Variants in JPH3 observed in about 807,000 individuals in gnomAD.
The protein encoded by JPH3 is junctophilin 3, also known as junctophilin-3.
Under a neutral mutation model 59.6 loss-of-function variants are expected in JPH3, and 11 were observed. That is an observed-to-expected ratio of 0.18 (90% CI 0.12 to 0.31). JPH3 has a LOEUF of 0.31. Ranked by LOEUF, JPH3 falls within the 10% of genes least tolerant of loss-of-function variation. JPH3 has a pLI of 1.00. For synonymous variants in JPH3, 673 were observed against 483.6 expected (o/e 1.39, Z -5.14); for missense variants, 1,202 against 1,105.7 (o/e 1.09, Z -1.24).
At chr16:87,670,934 A>G (rs992214757) in intron 2 of JPH3, among the ~76,000 whole-genome samples, 1 of 152,144 alleles carries the variant, frequency 6.6e-6, no homozygotes, top group Non-Finnish European at 1.5e-5. Context: ...AAGAGCGGGA[A>G]TTGATCCTGG....
At chr16:87,695,746 C>G in intron 4 of JPH3, 2 of 456,062 alleles carry the variant, frequency 4.4e-6, no homozygotes, top group African/African-American at 2.0e-5. Flanking sequence ...CTGGTGTGAG[C>G]AGAACACAGC....
chr16:87,604,222 CT>C, intron 1 of JPH3: 2 of 1,439,392 alleles, frequency 1.4e-6, no homozygotes, highest in Non-Finnish European at 1.8e-6. Flanking sequence ...GGGAATCGAT[CT>C]GTGCCTTCAT....
At chr16:87,683,477 G>A (rs1378762261) in intron 2 of JPH3, among the ~76,000 whole-genome samples, 1 of 151,698 alleles carries the variant, frequency 6.6e-6, no homozygotes, top group African/African-American at 2.4e-5. Context: ...GCTAATTTTT[G>A]TAATTTTTAG....
chr16:87,674,903 G>A (rs1013773627), intron 2 of JPH3, among the ~76,000 whole-genome samples: 4 of 152,084 alleles, frequency 2.6e-5, no homozygotes, highest in Admixed American at 2.6e-4. Flanking sequence ...TGGGACTACA[G>A]GCGCCTGCCA....
intron 2 of JPH3, among the ~76,000 whole-genome samples, chr16:87,682,983 G>A (rs1224143100): frequency 6.6e-6 from 1 of 152,266 alleles, no homozygotes; most frequent in East Asian, 1.9e-4. Flanking sequence ...ACTCAGCAGA[G>A]GGAGAGACAC....
chr16:87,644,647 A>G lies in JPH3; in HGVS notation c.772A>G (p.Ser258Gly). 1 of 1,611,860 alleles carries G rather than the reference A, an allele frequency of 6.2e-7. No homozygotes were observed. Among genetic ancestry groups the G allele is most frequent in the Non-Finnish European group, 8.5e-7 (1 of 1,179,872 alleles). ...AGMSTVSSTA[S>G]DIHSTISLGE... ...CATGAGCACCGTCAGCTCCACGGCCAGCGACATCCACTCCACCATCAGCCT... is the reference window on the plus strand; with the variant it reads ...CATGAGCACCGTCAGCTCCACGGCCGGCGACATCCACTCCACCATCAGCCT... Residue 258 changes from serine to glycine, a missense_variant, in exon 2 of 5, where the codon AGC (serine) becomes GGC (glycine). Ser to Gly is a moderately conservative substitution (Grantham distance 56, BLOSUM62 0). Coordinates refer to ENST00000284262, the MANE Select transcript of JPH3 (RefSeq NM_020655.4).
chr16:87,689,537 C>A, intron 3 of JPH3, 109 bp from the exon 4 acceptor site: 1 of 1,173,218 alleles, frequency 8.5e-7, no homozygotes. Flanking sequence ...GAGTGGGAAG[C>A]GCCTCTGCTG....
chr16:87,687,937 A>T (rs1169461611), intron 3 of JPH3, among the ~76,000 whole-genome samples: 1 of 149,248 alleles, frequency 6.7e-6, no homozygotes, highest in Non-Finnish European at 1.5e-5. Context: ...CATCCTGGCC[A>T]AGGAGGAGGT....
chr16:87,697,516 G>A lies in JPH3; in HGVS notation c.*856G>A, dbSNP rs577991789. Reference sequence around the variant, plus strand: ...GCCGGGGCTCTGGGTGTGTGCGCTTGGCGTGCAGGGTGGACGCGTGGGGTT... The same window carrying A: ...GCCGGGGCTCTGGGTGTGTGCGCTTAGCGTGCAGGGTGGACGCGTGGGGTT... On this transcript the variant is annotated 3_prime_UTR_variant, in exon 5 of 5. Coordinates refer to ENST00000284262, the MANE Select transcript of JPH3 (RefSeq NM_020655.4). 3.3e-5 allele frequency: 5 copies of A among 152,472 alleles called. No homozygotes were observed. The highest frequency in any genetic ancestry group is 7.3e-5 in the Non-Finnish European group (5 of 68,172). 9.4% of individuals were successfully genotyped at this position (152,472 alleles called of 1,614,324 possible).
chr16:87,639,723 C>A (rs189795934), intron 1 of JPH3, among the ~76,000 whole-genome samples: 1 of 152,094 alleles, frequency 6.6e-6, no homozygotes, highest in African/African-American at 2.4e-5. Context: ...GTCTATGAGT[C>A]TGATGACTCC....
At chr16:87,676,065 G>T (rs920691787) in intron 2 of JPH3, among the ~76,000 whole-genome samples, 2 of 152,276 alleles carry the variant, frequency 1.3e-5, no homozygotes, top group Non-Finnish European at 2.9e-5. Context: ...TGTAAAGTTA[G>T]ATCACGATGG....
chr16:87,606,949 G>A (rs925268214), intron 1 of JPH3, among the ~76,000 whole-genome samples: 1 of 152,142 alleles, frequency 6.6e-6, no homozygotes, highest in Non-Finnish European at 1.5e-5. Context: ...TCCACACTGG[G>A]AAGTGGAGGC....
intron 3 of JPH3, among the ~76,000 whole-genome samples, chr16:87,685,991 G>C (rs181765578): frequency 3.9e-5 from 6 of 152,136 alleles, no homozygotes; most frequent in Admixed American, 3.9e-4. Flanking sequence ...TCCACGCGGC[G>C]TCCTTAGAAG....
At position 87,603,235 on chromosome 16, in the gene JPH3, G is replaced by A. The variant is rs1403519540; in HGVS notation, c.89G>A (p.Cys30Tyr). The A allele has an allele frequency of 1.9e-6, 3 of 1,613,756 alleles. No individual in the cohort carries two copies. The highest frequency in any genetic ancestry group is 2.5e-6 in the Non-Finnish European group (3 of 1,179,940). The change falls in exon 1 of 5, where the codon TGC becomes TAC. Residue 30 changes from cysteine to tyrosine, a missense_variant. Transcript: ENST00000284262. ...GGCAAGGCGCACGGCCATGGCGTCT[G>A]CACCGGCCCCAAGGGCCAAGGCGAA... ...EDGKAHGHGV[C>Y]TGPKGQGEYT...
intron 2 of JPH3, among the ~76,000 whole-genome samples, chr16:87,670,731 C>G (rs1197571061): frequency 6.6e-6 from 1 of 152,230 alleles, no homozygotes; most frequent in Non-Finnish European, 1.5e-5. Context: ...ATTGATGTGT[C>G]ACTTCAACAG....
At chr16:87,663,037 G>A (rs1367659097) in intron 2 of JPH3, among the ~76,000 whole-genome samples, 1 of 152,180 alleles carries the variant, frequency 6.6e-6, no homozygotes, top group Non-Finnish European at 1.5e-5. Context: ...CGCCATGTTG[G>A]GTTGGCAGGA....
Position 87,683,182 on chromosome 16 carries a change from G to A in JPH3, c.1161-960G>A, listed in dbSNP as rs115594022. 6.3e-3 allele frequency among the ~76,000 whole-genome samples: 953 copies of A among 152,366 alleles called. 11 individuals are homozygous for A. Among genetic ancestry groups the A allele is most frequent in the African/African-American group, 0.021 (887 of 41,590 alleles). On this transcript the variant is annotated intron_variant, in intron 2 of 4. Coordinates refer to ENST00000284262, the MANE Select transcript of JPH3 (RefSeq NM_020655.4). ...GGGAGGTGGTCCCGCAACCCACACCGGGGCAGTGGCAGGAAGCACAGACAC... is the reference window on the plus strand; with the variant it reads ...GGGAGGTGGTCCCGCAACCCACACCAGGGCAGTGGCAGGAAGCACAGACAC...
At chr16:87,630,743 T>C (rs11865745) in intron 1 of JPH3, among the ~76,000 whole-genome samples, 37,534 of 152,120 alleles carry the variant, frequency 0.25, 5,016 homozygotes, top group African/African-American at 0.34. Context: ...ACCATGTTTT[T>C]AAGTGGGTGT....
At chr16:87,637,140 A>G (rs879209129) in intron 1 of JPH3, among the ~76,000 whole-genome samples, 1 of 152,206 alleles carries the variant, frequency 6.6e-6, no homozygotes, top group Non-Finnish European at 1.5e-5. Flanking sequence ...CTGTATTTTT[A>G]TTTCGCTGTG....
Sources: gnomAD v4.1 joint callset for allele counts (sites outside exome capture counted in the v4.1 genomes callset) on GRCh38, gnomAD v4.1.1 for gene constraint, MANE v1.5 for transcripts, NCBI Gene and HGNC (gene_info 2026-07-23, HGNC 2026-07-21) for gene names.